The following LIMS1 variants were observed in gnomAD, a reference collection of about 807,000 sequenced individuals.
LIMS1 encodes the protein LIM zinc finger domain containing 1, also known as LIM and senescent cell antigen-like-containing domain protein 1.
A neutral mutation model predicts 44.1 loss-of-function variants in LIMS1; 18 were observed. The observed-to-expected ratio is 0.41, with a 90% CI of 0.28 to 0.61. LIMS1 has a LOEUF of 0.61. Ranked by LOEUF, LIMS1 falls within the 20% of genes least tolerant of loss-of-function variation. The pLI is 0.32. For missense variants in LIMS1, 201 were observed against 422.0 expected (o/e 0.48, Z 4.59); for synonymous variants, 93 against 149.1 (o/e 0.62, Z 2.74).
intron 1 of LIMS1, among the ~76,000 whole-genome samples, chr2:108,561,405 G>A (rs543078497): frequency 2.0e-5 from 3 of 152,324 alleles, no homozygotes; most frequent in Non-Finnish European, 4.4e-5. Flanking sequence ...GAAAGGCTAA[G>A]CAGTGTGATC....
chr2:108,659,437 A>G (rs1350018268), intron 1 of LIMS1, among the ~76,000 whole-genome samples, 168 bp from the exon 2 acceptor site: 3 of 152,206 alleles, frequency 2.0e-5, no homozygotes, highest in Non-Finnish European at 4.4e-5. Flanking sequence ...AAGAGGCTGA[A>G]GAGTCCGAGT....
At chr2:108,611,488 A>G (rs935601021) in intron 1 of LIMS1, among the ~76,000 whole-genome samples, 4 of 152,056 alleles carry the variant, frequency 2.6e-5, no homozygotes, top group Non-Finnish European at 5.9e-5. Context: ...CTTTGGTTCT[A>G]TATAGTGGTC....
intron 1 of LIMS1, among the ~76,000 whole-genome samples, chr2:108,596,586 G>A (rs1436815257): frequency 4.6e-5 from 7 of 152,294 alleles, no homozygotes; most frequent in Non-Finnish European, 1.0e-4. Flanking sequence ...CACTTTGGGA[G>A]GCCAAGATGG....
intron 1 of LIMS1, among the ~76,000 whole-genome samples, chr2:108,556,134 TCTA>T (rs1282981272): frequency 7.2e-5 from 11 of 152,180 alleles, no homozygotes; most frequent in African/African-American, 2.2e-4. Flanking sequence ...TAACTTCTGT[TCTA>T]CTTTTTGTCT....
intron 1 of LIMS1, among the ~76,000 whole-genome samples, chr2:108,565,001 A>G (rs528566527): frequency 2.0e-5 from 3 of 147,484 alleles, no homozygotes; most frequent in South Asian, 4.4e-4. Context: ...AGAGAAACCC[A>G]TAGTTCAGGA....
chr2:108,627,869 TC>T (rs1231941613), intron 1 of LIMS1, among the ~76,000 whole-genome samples: 3 of 152,248 alleles, frequency 2.0e-5, no homozygotes, highest in Admixed American at 6.5e-5. Flanking sequence ...AATATGAACC[TC>T]CTTAAGTTTT....
chr2:108,547,354 C>T (rs751326848), intron 1 of LIMS1, among the ~76,000 whole-genome samples: 17 of 152,266 alleles, frequency 1.1e-4, no homozygotes, highest in Middle Eastern at 3.4e-3. Flanking sequence ...ACCCTTAGAA[C>T]ATGATGCTTA....
intron 1 of LIMS1, among the ~76,000 whole-genome samples, chr2:108,586,000 T>C (rs947983277): frequency 6.6e-6 from 1 of 152,144 alleles, no homozygotes; most frequent in Non-Finnish European, 1.5e-5. Flanking sequence ...GAGACCATCC[T>C]GGCTAACACG....
intron 1 of LIMS1, among the ~76,000 whole-genome samples, chr2:108,574,885 G>T (rs1242612544): frequency 6.6e-6 from 1 of 152,156 alleles, no homozygotes; most frequent in Non-Finnish European, 1.5e-5. Context: ...TTACTATATG[G>T]TTTTATGGAA....
At chr2:108,686,223 G>T (rs1693290975) in exon 10 of LIMS1, 1 of 152,010 alleles carries the variant, frequency 6.6e-6, no homozygotes, top group Non-Finnish European at 1.5e-5. Context: ...GGAGGCTGAG[G>T]CAGGAGAATG....
intron 1 of LIMS1, among the ~76,000 whole-genome samples, chr2:108,566,590 A>G (rs1006970524): frequency 6.6e-6 from 1 of 151,734 alleles, no homozygotes; most frequent in Middle Eastern, 3.2e-3. Context: ...CATAAAATTT[A>G]CCATCTTAAA....
chr2:108,577,434 C>T (rs972232549), intron 1 of LIMS1, among the ~76,000 whole-genome samples: 5 of 152,226 alleles, frequency 3.3e-5, no homozygotes, highest in Non-Finnish European at 7.3e-5. Flanking sequence ...TTACTCCGGG[C>T]TCTGCCTTAG....
At chr2:108,656,179 CCAAA>C (rs1158216683) in intron 1 of LIMS1, among the ~76,000 whole-genome samples, 1,265 of 143,034 alleles carry the variant, frequency 8.8e-3, no homozygotes, top group African/African-American at 0.032. Context: ...CATTTTAGGA[CCAAA>C]CAATTTGTTT....
chr2:108,658,770 G>T (rs1328111770), intron 1 of LIMS1, among the ~76,000 whole-genome samples: 2 of 152,306 alleles, frequency 1.3e-5, no homozygotes, highest in East Asian at 3.8e-4. Flanking sequence ...TGACAACCTG[G>T]TGTCACTTTC....
At chr2:108,662,028 A>G (rs189071447) in intron 2 of LIMS1, among the ~76,000 whole-genome samples, 40 of 152,260 alleles carry the variant, frequency 2.6e-4, no homozygotes, top group African/African-American at 8.7e-4. Context: ...AATATAAGAT[A>G]TTTTTATTGA....
chr2:108,615,055 G>C (rs1047439009), intron 1 of LIMS1, among the ~76,000 whole-genome samples: 1 of 152,070 alleles, frequency 6.6e-6, no homozygotes, highest in African/African-American at 2.4e-5. Context: ...ATGCTGAGCA[G>C]ATATAGATAC....
intron 1 of LIMS1, among the ~76,000 whole-genome samples, chr2:108,574,032 T>TCC (rs1228223486): frequency 6.7e-6 from 1 of 148,694 alleles, no homozygotes; most frequent in South Asian, 2.1e-4. Context: ...GATGCCTGAA[T>TCC]CCCCCCTCCC....
In LIMS1 at chr2:108,622,022, C is replaced by G. The variant is rs146220937; in HGVS notation, c.33-37583C>G. Among the ~76,000 whole-genome samples the G allele has an allele frequency of 4.4e-3, 672 of 152,214 alleles. 4 individuals carry two copies. Among genetic ancestry groups the G allele is most frequent in the South Asian group, 0.014 (68 of 4,824 alleles). On this transcript the variant is annotated intron_variant, in intron 1 of 9. Coordinates refer to ENST00000544547, the Ensembl canonical transcript of LIMS1. ...GCTTTCAAAGTGAATTTCCCTAAAA[C>G]AACACAATTTTATTTTTTTGTTGCA...
chr2:108,661,419 T>A (rs1389639039), intron 2 of LIMS1, among the ~76,000 whole-genome samples: 3 of 151,882 alleles, frequency 2.0e-5, no homozygotes, highest in Non-Finnish European at 4.4e-5. Context: ...TCTTCCTGAC[T>A]CCTTCCCTGG....
Sources: allele counts gnomAD v4.1 joint callset (sites outside exome capture counted in the v4.1 genomes callset), GRCh38; gene constraint gnomAD v4.1.1; transcripts MANE v1.5; gene names NCBI Gene and HGNC (gene_info 2026-07-23, HGNC 2026-07-21).